Variants in CDC20B observed in about 807,000 individuals in gnomAD.
CDC20B encodes the protein cell division cycle 20B, also known as cell division cycle protein 20 homolog B.
In CDC20B, 58 loss-of-function variants were observed where a neutral mutation model predicts 64.1. The observed-to-expected ratio is 0.90, with a 90% CI of 0.73 to 1.13. The LOEUF is 1.13. Among genes scored for constraint, CDC20B ranks in the 50% most tolerant of loss-of-function variants. The pLI, the probability that CDC20B is intolerant of heterozygous loss-of-function variation, is 0.00. For synonymous variants in CDC20B, 243 were observed against 230.6 expected (o/e 1.05, Z -0.49); for missense variants, 597 against 633.0 (o/e 0.94, Z 0.61).
At position 55,146,694 on chromosome 5, in the gene CDC20B, T is replaced by A. The variant is rs34132993; in HGVS notation, c.289A>T (p.Thr97Ser). The A allele has an allele frequency of 4.1e-3, 6,601 of 1,614,118 alleles. 242 individuals are homozygous for A. The African/African-American group carries it at 0.076, about 18-fold the overall frequency. ...SDSFGEEQST[T>S]YLPEASGSVL... Reference sequence around the variant, plus strand: ...GATCCGGAAGCTTCTGGGAGGTAGGTGGTTGACTGCTCTTCCCCAAAGGAA... The same window carrying A: ...GATCCGGAAGCTTCTGGGAGGTAGGAGGTTGACTGCTCTTCCCCAAAGGAA... The change falls in exon 3 of 12, where the codon ACC becomes TCC. Residue 97 changes from threonine (T) to serine (S), a missense_variant. By Grantham distance (58) the Thr-to-Ser change is moderately conservative. This residue lies in a region of CDC20B where 241 missense variants were observed against 219.2 expected (regional missense o/e 1.10). Transcript: ENST00000381375.
chr5:55,156,941 A>G (rs544761491), intron 2 of CDC20B, among the ~76,000 whole-genome samples: 16 of 152,334 alleles, frequency 1.1e-4, no homozygotes, highest in African/African-American at 3.8e-4. Flanking sequence ...CTGCCTTGTA[A>G]TCCTTCCGTT....
In CDC20B at chr5:55,117,791, A is replaced by T; in HGVS notation, c.1459+2010T>A. On this transcript the variant is annotated intron_variant, in intron 11 of 11. Transcript: ENST00000381375. ...CTCTTGGTGATGCACAACACACATAATCTATCCAAGCCTTTGGAAGGTCCT... is the reference window on the plus strand; with the variant it reads ...CTCTTGGTGATGCACAACACACATATTCTATCCAAGCCTTTGGAAGGTCCT... 1.3e-5 allele frequency among the ~76,000 whole-genome samples: 2 copies of T among 152,146 alleles called. 1 individual carries two copies. The highest frequency in any genetic ancestry group is 4.8e-5 in the African/African-American group (2 of 41,432).
intron 2 of CDC20B, among the ~76,000 whole-genome samples, chr5:55,167,372 C>T (rs927821921): frequency 1.3e-5 from 2 of 152,094 alleles, no homozygotes; most frequent in African/African-American, 4.8e-5. Flanking sequence ...TATACGTGTA[C>T]ATATATATAA....
intron 6 of CDC20B, among the ~76,000 whole-genome samples, chr5:55,129,104 C>A (rs979518127): frequency 6.6e-6 from 1 of 152,096 alleles, no homozygotes; most frequent in South Asian, 2.1e-4. Flanking sequence ...TAATAAGAAA[C>A]CTTTGACTGC....
intron 2 of CDC20B, among the ~76,000 whole-genome samples, chr5:55,171,829 T>C (rs1190854272): frequency 6.6e-6 from 1 of 152,106 alleles, no homozygotes; most frequent in African/African-American, 2.4e-5. Flanking sequence ...GGTCTTGAAG[T>C]CTTGGCCTCA....
chr5:55,113,562 T>C lies in CDC20B; in HGVS notation c.*656A>G, dbSNP rs932296244. On this transcript the variant is annotated 3_prime_UTR_variant, in exon 12 of 12. Coordinates refer to ENST00000381375, the MANE Select transcript of CDC20B (RefSeq NM_001170402.1). ...GACTGGCTGTCAGGCACACAGGATG[T>C]GACTAGGTGAAGCAAAAGAAAAGAG... The C allele has an allele frequency of 4.6e-5, 7 of 152,368 alleles. No individual in the cohort carries two copies. Among genetic ancestry groups the C allele is most frequent in the African/African-American group, 1.7e-4 (7 of 41,334 alleles). The allele number at this position is 152,368 out of a possible 1,614,324, so 9.4% of individuals were successfully genotyped here.
intron 7 of CDC20B, 112 bp from the exon 8 acceptor site, chr5:55,127,463 G>A: frequency 1.2e-6 from 1 of 811,188 alleles, no homozygotes. Flanking sequence ...TGTACTAAGT[G>A]AAAACCCAGC....
rs776895073 is a variant in CDC20B, at chr5:55,140,311, T to A, written c.580+3A>T. 2 of 1,600,692 alleles carry A rather than the reference T, an allele frequency of 1.2e-6. No individual in the cohort carries two copies. The stretch of plus-strand genomic sequence containing the variant: ...AAAGAAGGACAATGTCTTGATCCTG[T>A]ACCTTTCCAAACACATTCGGATTGC... On this transcript the variant is annotated splice_donor_region_variant and intron_variant, in intron 5 of 11. Coordinates refer to ENST00000381375, the MANE Select transcript of CDC20B (RefSeq NM_001170402.1).
At chr5:55,119,168 C>CG (rs1742695571) in intron 11 of CDC20B, among the ~76,000 whole-genome samples, 1 of 152,192 alleles carries the variant, frequency 6.6e-6, no homozygotes, top group Non-Finnish European at 1.5e-5. Context: ...CCTGTTCTTG[C>CG]ATCGACCACC....
intron 11 of CDC20B, among the ~76,000 whole-genome samples, chr5:55,115,552 G>A (rs1742602997): frequency 6.6e-6 from 1 of 152,190 alleles, no homozygotes; most frequent in Non-Finnish European, 1.5e-5. Context: ...GGCCAAAATA[G>A]GTGAAGCTGA....
chr5:55,145,291 G>GAAT (rs776339409), intron 3 of CDC20B, among the ~76,000 whole-genome samples: 27 of 152,268 alleles, frequency 1.8e-4, no homozygotes, highest in Admixed American at 5.9e-4. Context: ...CGTTACATGG[G>GAAT]AATTTCATTG....
In CDC20B at chr5:55,133,511, T is replaced by C. The variant is rs1238048521; in HGVS notation, c.598A>G (p.Arg200Gly). 1 of 1,548,992 alleles carries C rather than the reference T, an allele frequency of 6.5e-7. No homozygotes were observed. Residue 200 changes from arginine (R) to glycine (G), a missense_variant, in exon 6 of 12, where the codon AGA (arginine) becomes GGA (glycine). Transcript: ENST00000381375. Reference sequence around the variant, plus strand: ...CTTTTAAGATGGAAGGATTCATCTCTGACTCCATCTTTGCAGCCTACAAGA... The same window carrying C: ...CTTTTAAGATGGAAGGATTCATCTCCGACTCCATCTTTGCAGCCTACAAGA... ...CVWKGCKDGV[R>G]DESFHLKSSG...
intron 5 of CDC20B, among the ~76,000 whole-genome samples, chr5:55,134,551 C>T (rs1040521042): frequency 5.3e-5 from 8 of 152,070 alleles, no homozygotes; most frequent in African/African-American, 1.7e-4. Context: ...TGCCTGAGCC[C>T]AGGAGTTTGA....
At chr5:55,172,310 T>A (rs1351147536) in intron 2 of CDC20B, 1 of 359,656 alleles carries the variant, frequency 2.8e-6, no homozygotes, top group African/African-American at 2.2e-5. Context: ...GTTAAAATCA[T>A]TAACAGCCGC....
chr5:55,115,732 G>T (rs1391228096), intron 11 of CDC20B, among the ~76,000 whole-genome samples: 1 of 152,200 alleles, frequency 6.6e-6, no homozygotes, highest in Non-Finnish European at 1.5e-5. Flanking sequence ...TTTCAGAAAT[G>T]ATCGTGTACT....
intron 2 of CDC20B, chr5:55,166,652 T>C (rs35686230): frequency 0.019 from 2,948 of 152,284 alleles, 153 homozygotes; most frequent in Admixed American, 0.11. Flanking sequence ...TTGGACAATC[T>C]TCCTTCAGTC....
chr5:55,148,017 C>G (rs1743545382), intron 2 of CDC20B, among the ~76,000 whole-genome samples: 1 of 152,136 alleles, frequency 6.6e-6, no homozygotes, highest in South Asian at 2.1e-4. Context: ...AATTAAAATG[C>G]AAGTGACAAA....
intron 2 of CDC20B, among the ~76,000 whole-genome samples, chr5:55,157,946 G>GT (rs1743861468): frequency 6.6e-6 from 1 of 152,138 alleles, no homozygotes; most frequent in Non-Finnish European, 1.5e-5. Flanking sequence ...TAAAATGCAT[G>GT]TTCCTAAGCC....
At position 55,146,887 on chromosome 5, in the gene CDC20B, A is replaced by G. The variant is rs376203465; in HGVS notation, c.127-31T>C. 3.2e-5 allele frequency: 50 copies of G among 1,556,242 alleles called. No individual in the cohort carries two copies. The African/African-American group carries it at 6.6e-4, about 21-fold the overall frequency. On this transcript the variant is annotated intron_variant, in intron 2 of 11. Transcript: ENST00000381375. ...TAACAACAAAAACAGCTGTAAGTCC[A>G]CTGGCCTCAGTGATGCAAAAGTAAA... is the stretch of plus-strand genomic sequence containing the variant.
Sources: allele counts gnomAD v4.1 joint callset (sites outside exome capture counted in the v4.1 genomes callset), GRCh38; gene constraint gnomAD v4.1.1; regional missense constraint gnomAD v4.1.1; transcripts MANE v1.5; gene names NCBI Gene and HGNC (gene_info 2026-07-23, HGNC 2026-07-21).